REDIC1: variants seen among roughly 807,000 people sequenced by gnomAD.
The protein encoded by REDIC1 is HEI10 Interacting Protein 1.
chr12:39,803,482 TAA>T, the REDIC1 span, among the ~76,000 whole-genome samples: 1 of 151,868 alleles, frequency 6.6e-6, no homozygotes, highest in African/African-American at 2.4e-5. Flanking sequence ...TGTAAAAAAT[TAA>T]AAAATAGCTA....
At chr12:39,690,891 A>G in the REDIC1 span, among the ~76,000 whole-genome samples, 1 of 152,110 alleles carries the variant, frequency 6.6e-6, no homozygotes, top group Non-Finnish European at 1.5e-5. Flanking sequence ...TCCTTCTCAA[A>G]CAGATCTGAA....
chr12:39,716,501 C>T, the REDIC1 span, among the ~76,000 whole-genome samples: 1 of 151,992 alleles, frequency 6.6e-6, no homozygotes, highest in Non-Finnish European at 1.5e-5. Context: ...TTTCTCTATT[C>T]TGTTTTCTTC....
the REDIC1 span, among the ~76,000 whole-genome samples, chr12:39,815,459 A>C: frequency 1.3e-5 from 2 of 152,164 alleles, no homozygotes; most frequent in Non-Finnish European, 2.9e-5. Context: ...CGTAGGCTGG[A>C]GCATTCTTTC....
chr12:39,885,223 A>T, the REDIC1 span, among the ~76,000 whole-genome samples: 1 of 152,198 alleles, frequency 6.6e-6, no homozygotes, highest in Non-Finnish European at 1.5e-5. Flanking sequence ...GACTGCCAGT[A>T]CCCAAAGATT....
chr12:39,877,039 T>C, the REDIC1 span, among the ~76,000 whole-genome samples: 2 of 152,170 alleles, frequency 1.3e-5, no homozygotes, highest in African/African-American at 2.4e-5. Flanking sequence ...CAAAGTACAT[T>C]GACTACAGAG....
chr12:39,660,087 C>T, the REDIC1 span, among the ~76,000 whole-genome samples: 1 of 152,102 alleles, frequency 6.6e-6, no homozygotes, highest in Non-Finnish European at 1.5e-5. Context: ...TCAAAATTTT[C>T]CCCCCTAGTG....
chr12:39,873,756 T>A, the REDIC1 span, among the ~76,000 whole-genome samples: 1 of 152,126 alleles, frequency 6.6e-6, no homozygotes, highest in Non-Finnish European at 1.5e-5. Context: ...CAGAATAAGT[T>A]GTCTAAATTT....
the REDIC1 span, among the ~76,000 whole-genome samples, chr12:39,687,567 G>A: frequency 6.6e-6 from 1 of 152,146 alleles, no homozygotes. Context: ...GGGGGATGGT[G>A]CGAAACCATT....
chr12:39,629,860 G>T, the REDIC1 span, among the ~76,000 whole-genome samples: 1 of 151,870 alleles, frequency 6.6e-6, no homozygotes, highest in Non-Finnish European at 1.5e-5. Context: ...CAATTTAATG[G>T]ACTTTTTTCT....
the REDIC1 span, among the ~76,000 whole-genome samples, chr12:39,751,941 T>C: frequency 2.6e-5 from 4 of 152,152 alleles, no homozygotes; most frequent in African/African-American, 9.7e-5. Flanking sequence ...TTAGGAGATA[T>C]ACCTAACGTA....
chr12:39,826,525 T>A, the REDIC1 span, among the ~76,000 whole-genome samples: 1 of 151,454 alleles, frequency 6.6e-6, no homozygotes, highest in Non-Finnish European at 1.5e-5. Flanking sequence ...CAGTTCATAT[T>A]TTAAGAGTTT....
chr12:39,753,121 A>T, the REDIC1 span, among the ~76,000 whole-genome samples: 1 of 152,228 alleles, frequency 6.6e-6, no homozygotes, highest in Non-Finnish European at 1.5e-5. Flanking sequence ...AAAGCATAAC[A>T]AAATTTTCTT....
the REDIC1 span, among the ~76,000 whole-genome samples, chr12:39,714,236 T>C: frequency 3.0e-5 from 4 of 133,996 alleles, no homozygotes; most frequent in African/African-American, 1.1e-4. Flanking sequence ...TGCATATATG[T>C]ATATATGTAT....
chr12:39,629,216 T>G, the REDIC1 span, among the ~76,000 whole-genome samples: 1 of 152,180 alleles, frequency 6.6e-6, no homozygotes, highest in Non-Finnish European at 1.5e-5. Context: ...GCAAGGCTTC[T>G]TAGGAAAGAG....
the REDIC1 span, among the ~76,000 whole-genome samples, chr12:39,785,482 C>T: frequency 0.76 from 115,143 of 152,112 alleles, 44,437 homozygotes; most frequent in Non-Finnish European, 0.83. Context: ...GCTGCAGGGG[C>T]GAGGCCCTCA....
At chr12:39,903,571 G>A in the REDIC1 span, among the ~76,000 whole-genome samples, 1 of 152,026 alleles carries the variant, frequency 6.6e-6, no homozygotes, top group African/African-American at 2.4e-5. Context: ...AGGTAGGTAC[G>A]TGGCAAAAAC....
chr12:39,871,749 G>A, the REDIC1 span: 4 of 1,520,808 alleles, frequency 2.6e-6, no homozygotes, highest in African/African-American at 4.2e-5. Context: ...TAAACTTGAA[G>A]TTATTAGGAA....
the REDIC1 span, among the ~76,000 whole-genome samples, chr12:39,725,131 C>A: frequency 6.6e-6 from 1 of 152,100 alleles, no homozygotes; most frequent in African/African-American, 2.4e-5. Context: ...GAGAAAAAGA[C>A]TACATTCTTA....
the REDIC1 span, among the ~76,000 whole-genome samples, chr12:39,695,454 T>A: frequency 6.6e-6 from 1 of 152,248 alleles, no homozygotes; most frequent in Non-Finnish European, 1.5e-5. Context: ...ACATCACTGG[T>A]ACGCTGGCAG....
Sources: gnomAD v4.1 joint callset for allele counts (sites outside exome capture counted in the v4.1 genomes callset) on GRCh38, gnomAD v4.1.1 for gene constraint, MANE v1.5 for transcripts, NCBI Gene and HGNC (gene_info 2026-07-23, HGNC 2026-07-21) for gene names.